The following CDIP1 variants were observed in gnomAD, a reference collection of about 807,000 sequenced individuals.
The protein encoded by CDIP1 is cell death-inducing p53-target protein 1.
CDIP1 carries 9 observed loss-of-function variants against 17.7 expected under a neutral mutation model. That is an observed-to-expected ratio of 0.51 (90% CI 0.31 to 0.89). CDIP1 has a LOEUF of 0.89. CDIP1 is among the 40% of genes least tolerant of loss of function. The pLI, the probability that CDIP1 is intolerant of heterozygous loss-of-function variation, is 0.05. For missense variants in CDIP1, 263 were observed against 277.9 expected (o/e 0.95, Z 0.38); for synonymous variants, 117 against 109.5 (o/e 1.07, Z -0.43).
chr16:4,531,704 T>C (rs1453619760), intron 1 of CDIP1, among the ~76,000 whole-genome samples: 1 of 152,246 alleles, frequency 6.6e-6, no homozygotes, highest in Non-Finnish European at 1.5e-5. Flanking sequence ...GGACCTCAGC[T>C]GTCCTGACTC....
chr16:4,520,545 T>G (rs756633780), intron 1 of CDIP1, among the ~76,000 whole-genome samples: 1 of 152,228 alleles, frequency 6.6e-6, no homozygotes, highest in Non-Finnish European at 1.5e-5. Flanking sequence ...TTTCTTAACA[T>G]CATGTGTGGG....
At chr16:4,525,424 T>A (rs2141648387) in intron 1 of CDIP1, among the ~76,000 whole-genome samples, 1 of 152,228 alleles carries the variant, frequency 6.6e-6, no homozygotes, top group South Asian at 2.1e-4. Context: ...TGAACGTTAA[T>A]AGAGCATGCA....
At chr16:4,534,987 G>A (rs1234891264) in intron 1 of CDIP1, among the ~76,000 whole-genome samples, 7 of 152,044 alleles carry the variant, frequency 4.6e-5, no homozygotes, top group Admixed American at 2.6e-4. Flanking sequence ...TAAAGTGCTG[G>A]GATTACAGGC....
At chr16:4,534,593 G>A (rs936155259) in intron 1 of CDIP1, among the ~76,000 whole-genome samples, 2 of 152,138 alleles carry the variant, frequency 1.3e-5, no homozygotes, top group East Asian at 3.9e-4. Context: ...TACCTCCCTG[G>A]CTGACAGGTG....
At chr16:4,536,039 T>C (rs2059103337) in intron 1 of CDIP1, among the ~76,000 whole-genome samples, 1 of 152,208 alleles carries the variant, frequency 6.6e-6, no homozygotes, top group African/African-American at 2.4e-5. Context: ...ATCCTCCCCA[T>C]GGAGCGCCAA....
At chr16:4,528,139 A>G (rs1014788218) in intron 1 of CDIP1, among the ~76,000 whole-genome samples, 2 of 152,210 alleles carry the variant, frequency 1.3e-5, no homozygotes, top group African/African-American at 4.8e-5. Flanking sequence ...TTTTATTGAC[A>G]TAGAAAAATG....
intron 1 of CDIP1, among the ~76,000 whole-genome samples, chr16:4,525,160 T>A (rs185323318): frequency 0.04 from 6,041 of 152,188 alleles, 181 homozygotes; most frequent in Non-Finnish European, 0.062. Context: ...CAAGTTCTCT[T>A]CAAGTGATCC....
At chr16:4,533,097 C>T (rs1227904925) in intron 1 of CDIP1, 1 of 152,218 alleles carries the variant, frequency 6.6e-6, no homozygotes, top group Non-Finnish European at 1.5e-5. Context: ...ATCTACCTGG[C>T]AAGACAAGTG....
intron 1 of CDIP1, among the ~76,000 whole-genome samples, chr16:4,528,884 G>A (rs1229610206): frequency 3.3e-5 from 5 of 152,062 alleles, no homozygotes; most frequent in Non-Finnish European, 7.4e-5. Flanking sequence ...AGCTACTTGG[G>A]AGGCTGAGGC....
At chr16:4,515,650 A>T (rs765812658) in intron 1 of CDIP1, among the ~76,000 whole-genome samples, 1 of 152,242 alleles carries the variant, frequency 6.6e-6, no homozygotes, top group Non-Finnish European at 1.5e-5. Flanking sequence ...AATGGCCAAA[A>T]GCACATGAAA....
intron 1 of CDIP1, among the ~76,000 whole-genome samples, chr16:4,520,316 G>C (rs775491241): frequency 5.9e-5 from 9 of 152,126 alleles, no homozygotes; most frequent in Non-Finnish European, 1.3e-4. Flanking sequence ...TGTTGACCAG[G>C]ATGGTCTCAA....
intron 1 of CDIP1, among the ~76,000 whole-genome samples, chr16:4,521,464 G>C (rs919278138): frequency 6.6e-6 from 1 of 152,042 alleles, no homozygotes; most frequent in Non-Finnish European, 1.5e-5. Flanking sequence ...GCAAGTCTTG[G>C]AGTCGCTCCT....
At chr16:4,523,830 G>A (rs1220786841) in intron 1 of CDIP1, 1 of 152,390 alleles carries the variant, frequency 6.6e-6, no homozygotes, top group Admixed American at 6.5e-5. Context: ...GTGCCCCTGA[G>A]GGTGGCCAGA....
At chr16:4,516,698 C>CTTTTTTTTTTTTTTTT (rs767463500) in intron 1 of CDIP1, among the ~76,000 whole-genome samples, 2 of 78,056 alleles carry the variant, frequency 2.6e-5, no homozygotes, top group Admixed American at 2.0e-4. Flanking sequence ...GTTTTAAATC[C>CTTTTTTTTTTTTTTTT]TTTTTTTTTT....
At position 4,512,250 on chromosome 16, in the gene CDIP1, T is replaced by C; in HGVS notation, c.*322A>G. ...AAGAGTCTGGACTGAACCTGTACCT[T>C]GTTTGGAAACAGAGGCATCAGGACC... On this transcript the variant is annotated 3_prime_UTR_variant, in exon 6 of 6. Transcript: ENST00000567695. The surrounding 1 kb of genome is among the most constrained non-coding windows in gnomAD (Gnocchi z 4.6). 2.3e-6 allele frequency: 1 copy of C among 430,208 alleles called. No individual in the cohort carries two copies. The highest frequency in any genetic ancestry group is 4.4e-6 in the Non-Finnish European group (1 of 229,824). 26.6% of individuals were successfully genotyped at this position (430,208 alleles called of 1,614,324 possible).
chr16:4,525,367 C>T (rs2141648251), intron 1 of CDIP1, among the ~76,000 whole-genome samples: 1 of 152,258 alleles, frequency 6.6e-6, no homozygotes, highest in East Asian at 1.9e-4. Flanking sequence ...CTCATTTCAG[C>T]ATGAGCACTG....
At chr16:4,534,702 T>TG (rs565674030) in intron 1 of CDIP1, among the ~76,000 whole-genome samples, 11,233 of 147,432 alleles carry the variant, frequency 0.076, 782 homozygotes, top group African/African-American at 0.18. Context: ...TTTTTTTTTT[T>TG]TTTTTTTTTT....
chr16:4,510,873 C>G lies in CDIP1; in HGVS notation c.*1699G>C, dbSNP rs964812392. On this transcript the variant is annotated 3_prime_UTR_variant, in exon 6 of 6. Coordinates refer to ENST00000567695, the MANE Select transcript of CDIP1 (RefSeq NM_013399.3). ...AGGGCCAGAGGTCGCCCAGAACCTG[C>G]GTGTGCAGACTGCGCTCTGTTAGTC... The G allele has an allele frequency of 6.6e-6, 1 of 152,252 alleles. No individual in the cohort carries two copies. The allele number at this position is 152,252 out of a possible 1,614,324, so 9.4% of individuals were successfully genotyped here. A position where few individuals can be genotyped will look rare whatever the true frequency, so the allele number is the denominator to read the frequency against.
chr16:4,523,311 C>T (rs954842390), intron 1 of CDIP1, among the ~76,000 whole-genome samples: 6 of 152,222 alleles, frequency 3.9e-5, no homozygotes, highest in South Asian at 2.1e-4. Context: ...GTCCAGAGAT[C>T]GAGACCATCC....
Sources: allele counts gnomAD v4.1 joint callset (sites outside exome capture counted in the v4.1 genomes callset), GRCh38; gene constraint gnomAD v4.1.1; non-coding constraint Gnocchi (gnomAD v3.1); transcripts MANE v1.5; gene names NCBI Gene and HGNC (gene_info 2026-07-23, HGNC 2026-07-21).